GABRA1: variants seen among roughly 807,000 people sequenced by gnomAD.
The protein encoded by GABRA1 is gamma-aminobutyric acid type A receptor subunit alpha1, also known as gamma-aminobutyric acid receptor subunit alpha-1.
Under a neutral mutation model 48.9 loss-of-function variants are expected in GABRA1, and 9 were observed. That is an observed-to-expected ratio of 0.18 (90% CI 0.11 to 0.32). The LOEUF (loss-of-function observed/expected upper bound fraction) is 0.32, where lower values mean the gene tolerates loss of function less well. Ranked by LOEUF, GABRA1 falls within the 10% of genes least tolerant of loss-of-function variation. GABRA1 has a pLI of 1.00. For missense variants in GABRA1, 285 were observed against 553.8 expected, an observed-to-expected ratio of 0.51 and a Z score of 4.87; for synonymous variants, 210 against 198.7, an observed-to-expected ratio of 1.06 and a Z score of -0.48.
intron 4 of GABRA1, among the ~76,000 whole-genome samples, chr5:161,870,843 G>T (rs187168910): frequency 6.6e-6 from 1 of 152,134 alleles, no homozygotes; most frequent in East Asian, 1.9e-4. Context: ...TACACTGTTG[G>T]TTAGGCAGAA....
intron 4 of GABRA1, 40 bp from the exon 5 acceptor site, chr5:161,873,077 C>A: frequency 6.9e-7 from 1 of 1,451,856 alleles, no homozygotes; most frequent in Non-Finnish European, 9.7e-7. Flanking sequence ...TTGCAAAATA[C>A]AGCACAGTGA....
chr5:161,884,448 A>C (rs1391610691), intron 7 of GABRA1, among the ~76,000 whole-genome samples: 1 of 152,172 alleles, frequency 6.6e-6, no homozygotes. Context: ...AAGAGACCAC[A>C]TCTGTCTTCT....
intron 4 of GABRA1, among the ~76,000 whole-genome samples, chr5:161,867,684 C>G (rs1753930342): frequency 6.6e-6 from 1 of 152,006 alleles, no homozygotes; most frequent in African/African-American, 2.4e-5. Context: ...GCCATGCAGA[C>G]CTCATGGAAA....
intron 6 of GABRA1, chr5:161,882,275 G>A (rs1283098966): frequency 6.6e-6 from 3 of 454,288 alleles, no homozygotes; most frequent in Non-Finnish European, 8.1e-6. Context: ...TATTCCATAA[G>A]ATAAAGAACA....
chr5:161,852,760 C>T (rs542958914), intron 2 of GABRA1, among the ~76,000 whole-genome samples: 1 of 151,872 alleles, frequency 6.6e-6, no homozygotes, highest in African/African-American at 2.4e-5. Context: ...TTACATATAT[C>T]CAATATTATG....
intron 9 of GABRA1, 53 bp downstream of exon 9, chr5:161,895,921 T>A: frequency 1.4e-6 from 2 of 1,470,016 alleles, no homozygotes; most frequent in Non-Finnish European, 1.9e-6. Flanking sequence ...TCTTTAAACC[T>A]ATGAAATGAG....
chr5:161,874,644 ATAATT>A (rs897537000), intron 5 of GABRA1, among the ~76,000 whole-genome samples: 10 of 152,128 alleles, frequency 6.6e-5, no homozygotes, highest in South Asian at 6.2e-4. Flanking sequence ...ACTTTCTTTA[ATAATT>A]TAATTTAAGA....
intron 1 of GABRA1, chr5:161,849,955 G>C (rs1170275522): frequency 6.6e-6 from 1 of 152,162 alleles, no homozygotes; most frequent in African/African-American, 2.4e-5. Flanking sequence ...GAGGTAAAAA[G>C]ATCCCTTTAT....
At chr5:161,886,207 A>G (rs1754838080) in intron 7 of GABRA1, among the ~76,000 whole-genome samples, 1 of 152,160 alleles carries the variant, frequency 6.6e-6, no homozygotes, top group Non-Finnish European at 1.5e-5. Flanking sequence ...ATGTCATACC[A>G]ATAACAGGCA....
rs926443282 is a variant in GABRA1, at chr5:161,899,326, T to C, written c.*1904T>C. The C allele has an allele frequency of 1.3e-5, 2 of 152,620 alleles. No individual in the cohort carries two copies. The highest frequency in any genetic ancestry group is 2.9e-5 in the Non-Finnish European group (2 of 67,994). The allele number at this position is 152,620 out of a possible 1,614,324, so 9.5% of individuals were successfully genotyped here. ...GCCTAAATTTCACAAGCTAGGCCAA[T>C]GAAGGCTGAATCAAAGACATTTCAT... On this transcript the variant is annotated 3_prime_UTR_variant, in exon 10 of 10. Transcript: ENST00000393943.
chr5:161,872,762 C>G (rs1238543621), intron 4 of GABRA1, among the ~76,000 whole-genome samples: 1 of 152,070 alleles, frequency 6.6e-6, no homozygotes, highest in Non-Finnish European at 1.5e-5. Context: ...GCATAATACC[C>G]TCTAACATGA....
At chr5:161,873,449 C>A in intron 5 of GABRA1, 112 bp downstream of exon 5, 1 of 857,810 alleles carries the variant, frequency 1.2e-6, no homozygotes, top group Non-Finnish European at 1.9e-6. Context: ...CCTTGTTTTT[C>A]AACCTTAACA....
intron 7 of GABRA1, among the ~76,000 whole-genome samples, chr5:161,883,271 G>A (rs144779586): frequency 6.0e-4 from 91 of 152,202 alleles, no homozygotes; most frequent in African/African-American, 2.1e-3. Flanking sequence ...CGCAGCTAAA[G>A]CCAACAGAGT....
At chr5:161,883,209 A>G (rs549825822) in intron 7 of GABRA1, among the ~76,000 whole-genome samples, 4 of 152,200 alleles carry the variant, frequency 2.6e-5, no homozygotes, top group Admixed American at 1.3e-4. Context: ...GCAGGACATC[A>G]AAAAGCCAAT....
intron 4 of GABRA1, among the ~76,000 whole-genome samples, chr5:161,867,112 A>G (rs1753899813): frequency 6.6e-6 from 1 of 152,200 alleles, no homozygotes; most frequent in African/African-American, 2.4e-5. Flanking sequence ...GAATGTATGC[A>G]TCTTACGATT....
intron 8 of GABRA1, 58 bp from the exon 9 acceptor site, chr5:161,895,608 C>A: frequency 1.4e-6 from 2 of 1,450,504 alleles, no homozygotes; most frequent in South Asian, 1.2e-5. Flanking sequence ...GCTGTCCCAT[C>A]ATGATGAAAT....
At chr5:161,861,776 T>G (rs964305294) in intron 3 of GABRA1, among the ~76,000 whole-genome samples, 41 of 151,914 alleles carry the variant, frequency 2.7e-4, no homozygotes, top group Admixed American at 2.7e-3. Context: ...TTGATGTTTA[T>G]GTAGGAGCCC....
chr5:161,866,125 G>A (rs186173481), intron 4 of GABRA1, among the ~76,000 whole-genome samples: 1 of 152,088 alleles, frequency 6.6e-6, no homozygotes, highest in Non-Finnish European at 1.5e-5. Flanking sequence ...TTGATTCAAG[G>A]ATGCTGTTTT....
In GABRA1 at chr5:161,898,396, C is replaced by G. The variant is rs1230321942; in HGVS notation, c.*974C>G. 8 of 152,356 alleles carry G rather than the reference C, an allele frequency of 5.3e-5. No individual in the cohort carries two copies. Among genetic ancestry groups the G allele is most frequent in the Admixed American group, 5.2e-4 (8 of 15,242 alleles). 9.4% of individuals were successfully genotyped at this position (152,356 alleles called of 1,614,324 possible). On this transcript the variant is annotated 3_prime_UTR_variant, in exon 10 of 10. Coordinates refer to ENST00000393943, the MANE Select transcript of GABRA1 (RefSeq NM_001127644.2). ...TAGATTGAAATTTATGACTAGCAAA[C>G]AAAAATAGAATATATAAACGATATA...
Sources: gnomAD v4.1 joint callset for allele counts (sites outside exome capture counted in the v4.1 genomes callset) on GRCh38, gnomAD v4.1.1 for gene constraint, MANE v1.5 for transcripts, NCBI Gene and HGNC (gene_info 2026-07-23, HGNC 2026-07-21) for gene names.